Variants in DAPK2 observed in about 807,000 individuals in gnomAD.
DAPK2 encodes the protein death-associated protein kinase 2.
A neutral mutation model predicts 44.1 loss-of-function variants in DAPK2; 35 were observed. The ratio of observed to expected loss-of-function variants is 0.79; its 90% CI spans 0.61 to 1.05. DAPK2 has a LOEUF of 1.05. Ranked by LOEUF, DAPK2 falls within the 50% of genes least tolerant of loss-of-function variation. The pLI, the probability that DAPK2 is intolerant of heterozygous loss-of-function variation, is 0.00. For missense variants in DAPK2, 453 were observed against 483.2 expected (o/e 0.94, Z 0.59); for synonymous variants, 174 against 182.6 (o/e 0.95, Z 0.38).
Position 63,908,329 on chromosome 15 carries a change from C to G in DAPK2, c.*191G>C. The G allele has an allele frequency of 4.7e-6, 2 of 425,890 alleles. No homozygotes were observed. The highest frequency in any genetic ancestry group is 8.3e-6 in the Non-Finnish European group (2 of 240,292). 26.4% of individuals were successfully genotyped at this position (425,890 alleles called of 1,614,324 possible). On this transcript the variant is annotated 3_prime_UTR_variant, in exon 11 of 11. Coordinates refer to ENST00000261891, the Ensembl canonical transcript of DAPK2. This position sits in a 1 kb window ranked among gnomAD's most constrained non-coding sequence, Gnocchi z 5.7. ...AGCTTTGGGAATGCTGGAGCCTCCT[C>G]CACAGAAGACAGCCACAGCTCCCAG...
At chr15:63,944,693 C>G (rs1049248422) in intron 3 of DAPK2, among the ~76,000 whole-genome samples, 4 of 152,182 alleles carry the variant, frequency 2.6e-5, no homozygotes, top group Non-Finnish European at 5.9e-5. Flanking sequence ...CAGTGGGGAG[C>G]AGTGGGGTGG....
Position 63,923,435 on chromosome 15 carries a change from C to A in DAPK2, c.858+1381G>T. 6.8e-7 allele frequency: 1 copy of A among 1,472,572 alleles called. No homozygotes were observed. The highest frequency in any genetic ancestry group is 9.0e-7 in the Non-Finnish European group (1 of 1,115,338). The allele number at this position is 1,472,572 out of a possible 1,614,324, so 91.2% of individuals were successfully genotyped here. ...GGGTAGGCAGAAGGCACACAAGCGG[C>A]CTCTGGCATTCACTGCATGCGTCAG... On this transcript the variant is annotated intron_variant, in intron 8 of 10. Transcript: ENST00000261891. The surrounding 1 kb of genome is among the most constrained non-coding windows in gnomAD (Gnocchi z 4.2).
chr15:63,988,087 C>T (rs1169404529), intron 1 of DAPK2, among the ~76,000 whole-genome samples: 1 of 152,082 alleles, frequency 6.6e-6, no homozygotes, highest in African/African-American at 2.4e-5. Context: ...GAAAACACCC[C>T]GCTTCTGCCA....
chr15:64,009,325 A>T (rs2079322280), intron 1 of DAPK2, among the ~76,000 whole-genome samples: 1 of 152,072 alleles, frequency 6.6e-6, no homozygotes. Context: ...TGCTGTCTTC[A>T]GCCCTCCACC....
chr15:63,999,380 A>T (rs1043754536), intron 1 of DAPK2, among the ~76,000 whole-genome samples: 1 of 152,136 alleles, frequency 6.6e-6, no homozygotes, highest in Non-Finnish European at 1.5e-5. Context: ...GTGGAACTGC[A>T]GGGTCAAACC....
intron 1 of DAPK2, among the ~76,000 whole-genome samples, chr15:64,005,521 G>A (rs1408022402): frequency 2.6e-5 from 4 of 151,906 alleles, no homozygotes; most frequent in African/African-American, 9.7e-5. Flanking sequence ...TCAGAGGGTG[G>A]GAGGACAGCC....
chr15:63,992,698 G>T (rs1394348162), intron 1 of DAPK2, among the ~76,000 whole-genome samples: 1 of 152,196 alleles, frequency 6.6e-6, no homozygotes, highest in African/African-American at 2.4e-5. Context: ...AGCTGAACCT[G>T]CCCTTTCCTT....
chr15:64,026,606 C>T lies in DAPK2; in HGVS notation c.92+13564G>A, dbSNP rs149970347. On this transcript the variant is annotated intron_variant, in intron 1 of 10. Coordinates refer to ENST00000261891, the Ensembl canonical transcript of DAPK2. Reference sequence around the variant, plus strand: ...AGCAAGGTGGAGGACAGAAGCTCTCCCTTTTGCCCTCTCAAAAGCACTCCC... The same window carrying T: ...AGCAAGGTGGAGGACAGAAGCTCTCTCTTTTGCCCTCTCAAAAGCACTCCC... Among the ~76,000 whole-genome samples the T allele has an allele frequency of 3.9e-5, 6 of 152,278 alleles. No individual in the cohort carries two copies. The East Asian group carries it at 1.2e-3, about 29-fold the overall frequency.
rs750258659 is a variant in DAPK2 at position 63,912,077 on chromosome 15, C to A, written c.948+31G>T. On this transcript the variant is annotated intron_variant, in intron 9 of 10. Coordinates refer to ENST00000261891, the Ensembl canonical transcript of DAPK2. The surrounding 1 kb of genome is among the most constrained non-coding windows in gnomAD (Gnocchi z 4.4). The stretch of plus-strand genomic sequence containing the variant: ...CAGAAACCCCGCCCTAGCCCCCACC[C>A]TGTCCCCCGCCGCCCCAACCCTGGA... The A allele has an allele frequency of 1.3e-6, 2 of 1,592,186 alleles. No homozygotes were observed. The highest frequency in any genetic ancestry group is 1.7e-6 in the Non-Finnish European group (2 of 1,166,146).
At position 63,948,370 on chromosome 15, in the gene DAPK2, A is replaced by G. The variant is rs114095308; in HGVS notation, c.454-9009T>C. Among the ~76,000 whole-genome samples, 840 of 150,088 alleles carry G rather than the reference A, an allele frequency of 5.6e-3. 7 individuals carry two copies. The highest frequency in any genetic ancestry group is 0.019 in the African/African-American group (775 of 41,302). ...AGCTTTTGCTTCTGGAGAGGCCTCA[A>G]GAAGCTTACACTCATGGCAGAAGGT... On this transcript the variant is annotated intron_variant, in intron 3 of 10. Transcript: ENST00000261891.
In DAPK2 at chr15:64,013,355, A is replaced by C. The variant is rs1453524031; in HGVS notation, c.92+26815T>G. Among the ~76,000 whole-genome samples the C allele has an allele frequency of 6.6e-6, 1 of 152,194 alleles. No homozygotes were observed. The highest frequency in any genetic ancestry group is 1.5e-5 in the Non-Finnish European group (1 of 68,034). ...GCTGCAAGTCACAAGACATTAAGTG[A>C]ATGTGGGCAGTCTTAAGAGGCCAGG... On this transcript the variant is annotated intron_variant, in intron 1 of 10. Transcript: ENST00000261891. The surrounding 1 kb of genome is among the most constrained non-coding windows in gnomAD (Gnocchi z 4.7).
rs1188240727 is a variant in DAPK2, at chr15:63,990,014, A to G, written c.93-6260T>C. 6.6e-6 allele frequency among the ~76,000 whole-genome samples: 1 copy of G among 152,100 alleles called. No homozygotes were observed. The highest frequency in any genetic ancestry group is 1.5e-5 in the Non-Finnish European group (1 of 68,028). On this transcript the variant is annotated intron_variant, in intron 1 of 10. Transcript: ENST00000261891. This position sits in a 1 kb window ranked among gnomAD's most constrained non-coding sequence, Gnocchi z 4.3. The stretch of plus-strand genomic sequence containing the variant: ...GCCTATTATTGGTTTTAAATTCTCA[A>G]AAGGCAATATACCCCTTACGGCCTG...
intron 1 of DAPK2, among the ~76,000 whole-genome samples, chr15:64,008,831 C>G (rs141129300): frequency 0.029 from 4,485 of 152,208 alleles, 93 homozygotes; most frequent in South Asian, 0.065. Flanking sequence ...CATCCCTAAC[C>G]AACAGAGCAG....
chr15:63,948,537 C>A (rs932395967), intron 3 of DAPK2, among the ~76,000 whole-genome samples: 1 of 151,968 alleles, frequency 6.6e-6, no homozygotes, highest in African/African-American at 2.4e-5. Context: ...GGGGAAAATC[C>A]GCCCCCAAGA....
intron 2 of DAPK2, among the ~76,000 whole-genome samples, chr15:63,974,526 C>A (rs768125423): frequency 3.9e-5 from 6 of 152,118 alleles, no homozygotes; most frequent in Non-Finnish European, 7.3e-5. Context: ...TATTGAAAGA[C>A]CTGGAATCAA....
chr15:64,038,143 C>T (rs2141199784), intron 1 of DAPK2, among the ~76,000 whole-genome samples: 1 of 152,344 alleles, frequency 6.6e-6, no homozygotes, highest in Non-Finnish European at 1.5e-5. Context: ...CAGAGTCCCA[C>T]TCCCCACAAC....
chr15:64,033,291 A>T, intron 1 of DAPK2, among the ~76,000 whole-genome samples: 1 of 40,888 alleles, frequency 2.4e-5, no homozygotes, highest in Non-Finnish European at 1.2e-4. Flanking sequence ...GGAAGGGGGA[A>T]GGAAGGAAGG....
At chr15:63,975,911 G>A (rs1204602445) in intron 2 of DAPK2, among the ~76,000 whole-genome samples, 2 of 152,140 alleles carry the variant, frequency 1.3e-5, no homozygotes, top group African/African-American at 2.4e-5. Context: ...ATTCTTATAT[G>A]GCTAAAATGG....
At chr15:64,001,472 G>T (rs1278742001) in intron 1 of DAPK2, among the ~76,000 whole-genome samples, 1 of 152,114 alleles carries the variant, frequency 6.6e-6, no homozygotes, top group Non-Finnish European at 1.5e-5. Flanking sequence ...AGCCTAAGAA[G>T]ACAACAGCCT....
Sources: allele counts gnomAD v4.1 joint callset (sites outside exome capture counted in the v4.1 genomes callset), GRCh38; gene constraint gnomAD v4.1.1; non-coding constraint Gnocchi (gnomAD v3.1); transcripts MANE v1.5; gene names NCBI Gene and HGNC (gene_info 2026-07-23, HGNC 2026-07-21).